Variants in RFTN1 observed in about 807,000 individuals in gnomAD.
RFTN1 encodes the protein raftlin, lipid raft linker 1, also known as raftlin.
RFTN1 carries 26 observed loss-of-function variants against 46.5 expected under a neutral mutation model. The observed-to-expected ratio is 0.56, with a 90% confidence interval of 0.41 to 0.78. The LOEUF (loss-of-function observed/expected upper bound fraction) is 0.78, where lower values mean the gene tolerates loss of function less well. Among genes scored for constraint, RFTN1 ranks in the 30% least tolerant of loss-of-function variants. The pLI is 0.00. For synonymous variants in RFTN1, 261 were observed against 284.2 expected, an observed-to-expected ratio of 0.92 and a Z score of 0.82; for missense variants, 693 against 718.7, an observed-to-expected ratio of 0.96 and a Z score of 0.41.
rs2075831920 is a variant in RFTN1, at chr3:16,452,204, AG to A, written c.146-18168del. Among the ~76,000 whole-genome samples the A allele has an allele frequency of 6.6e-6, 1 of 152,200 alleles. No individual in the cohort carries two copies. ...ACCACAGAAAATGAAACCAAGGATA[AG>A]GGGGAACTACTGTACAAACAGTGAA... On this transcript the variant is annotated intron_variant, in intron 2 of 9. Transcript: ENST00000334133. This position sits in a 1 kb window ranked among gnomAD's most constrained non-coding sequence, Gnocchi z 6.3.
chr3:16,397,208 A>G (rs2074489560), intron 4 of RFTN1, among the ~76,000 whole-genome samples: 1 of 152,256 alleles, frequency 6.6e-6, no homozygotes, highest in Non-Finnish European at 1.5e-5. Flanking sequence ...CAACATGGAT[A>G]AACCTAGAGG....
At chr3:16,343,447 T>C (rs951623666) in intron 7 of RFTN1, among the ~76,000 whole-genome samples, 1 of 152,232 alleles carries the variant, frequency 6.6e-6, no homozygotes, top group African/African-American at 2.4e-5. Context: ...CCTTGTTTTT[T>C]CCTCCTCCAA....
chr3:16,444,560 C>T lies in RFTN1; in HGVS notation c.146-10523G>A, dbSNP rs60958634. Among the ~76,000 whole-genome samples, 1,136 of 152,318 alleles carry T rather than the reference C, an allele frequency of 7.5e-3. 17 individuals are homozygous for T. Among genetic ancestry groups the T allele is most frequent in the African/African-American group, 0.026 (1,073 of 41,560 alleles). On this transcript the variant is annotated intron_variant, in intron 2 of 9. Transcript: ENST00000334133. ...ATGACATCCTGTCTAGGGCTGGCGCCTGCCTTGCATCCTGAGCTGCTGGGA... is the reference window on the plus strand; with the variant it reads ...ATGACATCCTGTCTAGGGCTGGCGCTTGCCTTGCATCCTGAGCTGCTGGGA...
At chr3:16,491,966 G>A (rs1187432821) in intron 2 of RFTN1, among the ~76,000 whole-genome samples, 2 of 152,110 alleles carry the variant, frequency 1.3e-5, no homozygotes, top group African/African-American at 4.8e-5. Context: ...AAAAAATGGA[G>A]GGCCAAATGC....
chr3:16,316,954 C>G lies in RFTN1; in HGVS notation c.1611G>C (p.Gln537His). Residue 537 changes from glutamine (Q) to histidine (H), a missense_variant, in exon 10 of 10, where the codon CAG (glutamine) becomes CAC (histidine). Transcript: ENST00000334133. The surrounding 1 kb of genome is among the most constrained non-coding windows in gnomAD (Gnocchi z 4.5). The part of the protein sequence containing the change: ...CGVGVEGEAV[Q>H]NGPASHSRAL... ...CCCTGCTGTGGCTGGCAGGACCATT[C>G]TGCACAGCCTCACCCTCCACACCCA... The G allele has an allele frequency of 6.2e-7, 1 of 1,614,072 alleles. No homozygotes were observed. Among genetic ancestry groups the G allele is most frequent in the South Asian group, 1.1e-5 (1 of 91,074 alleles).
Position 16,387,989 on chromosome 3 carries a change from A to G in RFTN1, c.442-9887T>C, listed in dbSNP as rs1383443481. Among the ~76,000 whole-genome samples the G allele has an allele frequency of 6.6e-6, 1 of 152,164 alleles. No individual in the cohort carries two copies. Among genetic ancestry groups the G allele is most frequent in the East Asian group, 1.9e-4 (1 of 5,192 alleles). ...CAGCAGCCAGGCTGGTATCTGAAAG[A>G]TGTGAGCCAGTTAAGGCTGCTCGTT... On this transcript the variant is annotated intron_variant, in intron 4 of 9. Coordinates refer to ENST00000334133, the MANE Select transcript of RFTN1 (RefSeq NM_015150.2). The surrounding 1 kb of genome is among the most constrained non-coding windows in gnomAD (Gnocchi z 5.2).
rs894461081 is a variant in RFTN1 at position 16,428,272 on chromosome 3, G to A, written c.332+5579C>T. Among the ~76,000 whole-genome samples the A allele has an allele frequency of 1.3e-5, 2 of 152,136 alleles. No homozygotes were observed. The highest frequency in any genetic ancestry group is 1.3e-4 in the Admixed American group (2 of 15,274). On this transcript the variant is annotated intron_variant, in intron 3 of 9. Transcript: ENST00000334133. This position sits in a 1 kb window ranked among gnomAD's most constrained non-coding sequence, Gnocchi z 4.7. ...AATTCCCACAAATGCTTCCCTAGGT[G>A]CAAAAATTTCACCATCCTAGGTGTG...
At chr3:16,394,692 A>C (rs34993147) in intron 4 of RFTN1, among the ~76,000 whole-genome samples, 25,285 of 151,214 alleles carry the variant, frequency 0.17, 2,369 homozygotes, top group East Asian at 0.3. Flanking sequence ...TGATTTATGC[A>C]CTCGCCTGTA....
At chr3:16,415,430 T>TACACAC (rs1553589390) in intron 3 of RFTN1, among the ~76,000 whole-genome samples, 2 of 114,276 alleles carry the variant, frequency 1.8e-5, no homozygotes, top group Non-Finnish European at 4.0e-5. Flanking sequence ...TATATATATA[T>TACACAC]ACACACACAC....
chr3:16,443,541 C>G lies in RFTN1; in HGVS notation c.146-9504G>C, dbSNP rs1575300601. Among the ~76,000 whole-genome samples the G allele has an allele frequency of 6.6e-6, 1 of 152,162 alleles. No homozygotes were observed. Among genetic ancestry groups the G allele is most frequent in the South Asian group, 2.1e-4 (1 of 4,818 alleles). ...GTAAGACTAAAAGAACTTCTTTAAG[C>G]TTATATAAACCTAAGATTCTGCAGG... On this transcript the variant is annotated intron_variant, in intron 2 of 9. Coordinates refer to ENST00000334133, the MANE Select transcript of RFTN1 (RefSeq NM_015150.2). This position sits in a 1 kb window ranked among gnomAD's most constrained non-coding sequence, Gnocchi z 5.5.
In RFTN1 at chr3:16,322,963, G is replaced by A. The variant is rs936530120; in HGVS notation, c.1332+413C>T. On this transcript the variant is annotated intron_variant, in intron 9 of 9. Coordinates refer to ENST00000334133, the MANE Select transcript of RFTN1 (RefSeq NM_015150.2). This position sits in a 1 kb window ranked among gnomAD's most constrained non-coding sequence, Gnocchi z 6.2. Reference sequence around the variant, plus strand: ...ATCCCCACACTTTTAATGTCCTAAGGAATCTTAACAGGGCAGGCCAGAGCT... The same window carrying A: ...ATCCCCACACTTTTAATGTCCTAAGAAATCTTAACAGGGCAGGCCAGAGCT... 2.6e-5 allele frequency among the ~76,000 whole-genome samples: 4 copies of A among 152,130 alleles called. No individual in the cohort carries two copies. Among genetic ancestry groups the A allele is most frequent in the Non-Finnish European group, 4.4e-5 (3 of 68,026 alleles).
rs2071621874 is a variant in RFTN1, at chr3:16,345,788, C to CTGTGTGTCTCTGTGTGTGTGTGTGTG, written c.1146+12143_1146+12144insCACACACACACACACAGAGACACACA. Among the ~76,000 whole-genome samples the CTGTGTGTCTCTGTGTGTGTGTGTGTG allele has an allele frequency of 1.6e-5, 2 of 127,174 alleles. No individual in the cohort carries two copies. The highest frequency in any genetic ancestry group is 6.1e-5 in the African/African-American group (2 of 33,030). 83.4% of individuals were successfully genotyped at this position (127,174 alleles called of 152,430 possible). A position where few individuals can be genotyped will look rare whatever the true frequency, so the allele number is the denominator to read the frequency against. ...TGAGCCAAAACCTTATAATAAATCT[C>CTGTGTGTCTCTGTGTGTGTGTGTGTG]TGTGTGTGTGTGTGTGTGTGTGTGT... On this transcript the variant is annotated intron_variant, in intron 7 of 9. Coordinates refer to ENST00000334133, the MANE Select transcript of RFTN1 (RefSeq NM_015150.2). The surrounding 1 kb of genome is among the most constrained non-coding windows in gnomAD (Gnocchi z 5.2).
rs1376798845 is a variant in RFTN1 at position 16,504,462 on chromosome 3, T to C, written c.-9+8980A>G. On this transcript the variant is annotated intron_variant, in intron 1 of 9. Transcript: ENST00000334133. The surrounding 1 kb of genome is among the most constrained non-coding windows in gnomAD (Gnocchi z 4.4). The stretch of plus-strand genomic sequence containing the variant: ...GTAATATGGTACTGTCAGATGTTGA[T>C]ATTGTGAAGTGCCTCAAGCTAGTAG... Among the ~76,000 whole-genome samples the C allele has an allele frequency of 6.6e-6, 1 of 152,196 alleles. No individual in the cohort carries two copies. Among genetic ancestry groups the C allele is most frequent in the Non-Finnish European group, 1.5e-5 (1 of 68,028 alleles).
Position 16,327,023 on chromosome 3 carries a change from T to C in RFTN1, c.1147-147A>G, listed in dbSNP as rs1245351206. 1.7e-6 allele frequency: 1 copy of C among 596,996 alleles called. No homozygotes were observed. Among genetic ancestry groups the C allele is most frequent in the East Asian group, 2.9e-5 (1 of 33,938 alleles). 37.0% of individuals were successfully genotyped at this position (596,996 alleles called of 1,614,324 possible). ...CAGAGGCTCCTGCTCCGATGCTTGC[T>C]GAAGACTTTAAAAGTTTGGAGTCAA... On this transcript the variant is annotated intron_variant, in intron 7 of 9. Transcript: ENST00000334133. The surrounding 1 kb of genome is among the most constrained non-coding windows in gnomAD (Gnocchi z 4.2).
At chr3:16,472,788 C>T (rs1253268032) in intron 2 of RFTN1, among the ~76,000 whole-genome samples, 1 of 152,212 alleles carries the variant, frequency 6.6e-6, no homozygotes, top group Admixed American at 6.5e-5. Context: ...CTTCATTACA[C>T]AGGAGTGACG....
At chr3:16,508,957 T>C (rs944983688) in intron 1 of RFTN1, among the ~76,000 whole-genome samples, 3 of 152,230 alleles carry the variant, frequency 2.0e-5, no homozygotes, top group Admixed American at 1.3e-4. Flanking sequence ...TGAAATGCGG[T>C]GAGTGAGACG....
intron 2 of RFTN1, among the ~76,000 whole-genome samples, chr3:16,444,840 T>A (rs1431473441): frequency 6.6e-6 from 1 of 152,184 alleles, no homozygotes; most frequent in Non-Finnish European, 1.5e-5. Context: ...ACAACCACCA[T>A]CACTCGCTGT....
rs954445688 is a variant in RFTN1 at position 16,338,242 on chromosome 3, C to T, written c.1147-11366G>A. ...CATCCTTATTATCAGGGGTGTCTGC[C>T]CACACACACCTGCATGAGCAGAATG... is the stretch of plus-strand genomic sequence containing the variant. On this transcript the variant is annotated intron_variant, in intron 7 of 9. Transcript: ENST00000334133. This position sits in a 1 kb window ranked among gnomAD's most constrained non-coding sequence, Gnocchi z 5.3. Among the ~76,000 whole-genome samples, 4 of 152,152 alleles carry T rather than the reference C, an allele frequency of 2.6e-5. No individual in the cohort carries two copies. The highest frequency in any genetic ancestry group is 9.7e-5 in the African/African-American group (4 of 41,416).
At chr3:16,494,103 A>AT (rs1007669572) in intron 1 of RFTN1, among the ~76,000 whole-genome samples, 1 of 152,116 alleles carries the variant, frequency 6.6e-6, no homozygotes, top group Non-Finnish European at 1.5e-5. Flanking sequence ...CCGTCCTGAG[A>AT]TTTTTTTAAA....
Sources: gnomAD v4.1 joint callset for allele counts (sites outside exome capture counted in the v4.1 genomes callset) on GRCh38, gnomAD v4.1.1 for gene constraint, Gnocchi (gnomAD v3.1) non-coding constraint, MANE v1.5 for transcripts, NCBI Gene and HGNC (gene_info 2026-07-23, HGNC 2026-07-21) for gene names.